Variants in NLGN1 observed in about 807,000 individuals in gnomAD.
NLGN1 encodes the protein neuroligin-1.
NLGN1 carries 12 observed loss-of-function variants against 65.5 expected under a neutral mutation model. That is an observed-to-expected ratio of 0.18 (90% CI 0.12 to 0.30). NLGN1 has a LOEUF of 0.30. Among genes scored for constraint, NLGN1 ranks in the 10% least tolerant of loss-of-function variants. NLGN1 has a pLI of 1.00. For synonymous variants in NLGN1, 350 were observed against 359.5 expected (o/e 0.97, Z 0.30); for missense variants, 750 against 1,007.1 (o/e 0.74, Z 3.46).
chr3:173,516,050 A>T (rs1733758749), intron 2 of NLGN1, among the ~76,000 whole-genome samples: 1 of 151,888 alleles, frequency 6.6e-6, no homozygotes, highest in Non-Finnish European at 1.5e-5. Context: ...TTACAAATTT[A>T]TTTTTTTGAC....
exon 7 of NLGN1, chr3:174,283,788 C>T (rs1252299365): frequency 6.6e-6 from 1 of 151,376 alleles, no homozygotes; most frequent in Non-Finnish European, 1.5e-5. Context: ...GGTGGTTATG[C>T]TTTTCAACTG....
downstream of NLGN1, among the ~76,000 whole-genome samples, chr3:174,287,536 G>A (rs1752266667): frequency 6.6e-6 from 1 of 151,332 alleles, no homozygotes; most frequent in Non-Finnish European, 1.5e-5. Flanking sequence ...ATTTCCTTAT[G>A]GTTTGTAGGA....
chr3:174,047,210 A>G (rs1579982766), intron 4 of NLGN1, among the ~76,000 whole-genome samples: 1 of 152,022 alleles, frequency 6.6e-6, no homozygotes, highest in African/African-American at 2.4e-5. Context: ...CCATAATTTT[A>G]TATACTGGTT....
chr3:174,017,682 C>T (rs1436799322), intron 4 of NLGN1, among the ~76,000 whole-genome samples: 1 of 151,996 alleles, frequency 6.6e-6, no homozygotes, highest in Non-Finnish European at 1.5e-5. Flanking sequence ...GTGATGCCCC[C>T]GTCAAGCCGC....
intron 4 of NLGN1, among the ~76,000 whole-genome samples, chr3:174,255,811 G>A (rs1006295505): frequency 2.0e-5 from 3 of 151,486 alleles, no homozygotes; most frequent in Non-Finnish European, 2.9e-5. Flanking sequence ...ATCATGTACC[G>A]CCATGCCCAG....
chr3:173,620,408 C>A (rs565016725), intron 3 of NLGN1, among the ~76,000 whole-genome samples: 1 of 152,192 alleles, frequency 6.6e-6, no homozygotes, highest in East Asian at 1.9e-4. Context: ...TCCTCCTTGA[C>A]CTGATGTCCT....
In NLGN1 at chr3:174,137,584, A is replaced by T. The variant is rs55747304; in HGVS notation, c.647-137731A>T. ...AAGGTCATGGTACTGAAACAATTTT[A>T]AAAACTCTCACATCAAGGGATTATT... On this transcript the variant is annotated intron_variant, in intron 4 of 6. Coordinates refer to ENST00000457714, the Ensembl canonical transcript of NLGN1. Among the ~76,000 whole-genome samples, 1,307 of 152,278 alleles carry T rather than the reference A, an allele frequency of 8.6e-3. 6 individuals are homozygous for T. The highest frequency in any genetic ancestry group is 0.012 in the Non-Finnish European group (798 of 67,996).
intron 2 of NLGN1, among the ~76,000 whole-genome samples, chr3:173,555,172 A>C (rs1174088324): frequency 6.6e-6 from 1 of 152,208 alleles, no homozygotes; most frequent in Non-Finnish European, 1.5e-5. Context: ...GAAATTCATT[A>C]TTGTTGGTTT....
intron 4 of NLGN1, chr3:173,914,866 T>A (rs1004202428): frequency 1.3e-5 from 2 of 152,190 alleles, no homozygotes; most frequent in Non-Finnish European, 2.9e-5. Context: ...TTTTACTTTG[T>A]TTTAAGTTAA....
At chr3:173,397,418 C>T (rs1170407446), upstream of NLGN1, among the ~76,000 whole-genome samples, 2 of 151,992 alleles carry the variant, frequency 1.3e-5, no homozygotes, top group African/African-American at 4.8e-5. Flanking sequence ...GGGAACTTCC[C>T]CTCATTTCTT....
intron 3 of NLGN1, among the ~76,000 whole-genome samples, chr3:173,761,283 C>G (rs555742522): frequency 2.2e-4 from 33 of 152,146 alleles, no homozygotes; most frequent in Middle Eastern, 6.8e-3. Flanking sequence ...TCAAAGCCCA[C>G]TGGAGTGACG....
chr3:174,116,091 C>T (rs916063113), intron 4 of NLGN1, among the ~76,000 whole-genome samples: 4 of 152,090 alleles, frequency 2.6e-5, no homozygotes, highest in Admixed American at 6.6e-5. Flanking sequence ...TCCCAAATCC[C>T]ATAGCCTCCA....
At chr3:173,537,233 A>T (rs1427699678) in intron 2 of NLGN1, among the ~76,000 whole-genome samples, 1 of 152,224 alleles carries the variant, frequency 6.6e-6, no homozygotes, top group Admixed American at 6.5e-5. Context: ...TCAACTTGAC[A>T]TCCATATGTA....
intron 2 of NLGN1, chr3:173,584,779 A>G (rs1306446306): frequency 9.0e-6 from 1 of 111,298 alleles, no homozygotes; most frequent in Non-Finnish European, 2.0e-5. Flanking sequence ...GTGGGTGAAT[A>G]AAAAAGGAGG....
intron 4 of NLGN1, among the ~76,000 whole-genome samples, chr3:173,923,865 A>G (rs974179006): frequency 3.3e-5 from 5 of 152,182 alleles, no homozygotes. Flanking sequence ...AATTTTTATC[A>G]TAGATATCTA....
chr3:173,993,348 A>T (rs554511917), intron 4 of NLGN1, among the ~76,000 whole-genome samples: 8 of 152,328 alleles, frequency 5.3e-5, no homozygotes, highest in African/African-American at 1.9e-4. Flanking sequence ...AAGACATGCC[A>T]TGTGTGCACT....
At chr3:173,644,289 C>T in intron 3 of NLGN1, 1 of 156,652 alleles carries the variant, frequency 6.4e-6, no homozygotes. Context: ...ACATCCACGG[C>T]TTACTTCTGC....
At chr3:173,803,642 T>C (rs1171659645) in intron 3 of NLGN1, among the ~76,000 whole-genome samples, 1 of 149,702 alleles carries the variant, frequency 6.7e-6, no homozygotes, top group Non-Finnish European at 1.5e-5. Context: ...ATATACTATA[T>C]AGTTCAAGAC....
At chr3:174,120,700 T>G (rs954253488) in intron 4 of NLGN1, among the ~76,000 whole-genome samples, 1 of 152,192 alleles carries the variant, frequency 6.6e-6, no homozygotes, top group Non-Finnish European at 1.5e-5. Context: ...GTGGTCATAC[T>G]TGAGTTATAG....
Sources: gnomAD v4.1 joint callset for allele counts (sites outside exome capture counted in the v4.1 genomes callset) on GRCh38, gnomAD v4.1.1 for gene constraint, MANE v1.5 for transcripts, NCBI Gene and HGNC (gene_info 2026-07-23, HGNC 2026-07-21) for gene names.